Variants in TLE2 observed in about 807,000 individuals in gnomAD.
The protein encoded by TLE2 is TLE family member 2, transcriptional corepressor, also known as transducin-like enhancer protein 2.
In TLE2, 74 loss-of-function variants were observed where a neutral mutation model predicts 97.2. The observed-to-expected ratio is 0.76, with a 90% CI of 0.63 to 0.92. The LOEUF (loss-of-function observed/expected upper bound fraction) is 0.92, where lower values mean the gene tolerates loss of function less well. Among genes scored for constraint, TLE2 ranks in the 40% least tolerant of loss-of-function variants. TLE2 has a pLI of 0.00. For missense variants in TLE2, 1,038 were observed against 1,008.7 expected (o/e 1.03, Z -0.39); for synonymous variants, 499 against 432.1 (o/e 1.15, Z -1.92).
intron 4 of TLE2, chr19:3,025,630 G>A (rs746545251): frequency 2.0e-5 from 20 of 985,606 alleles, no homozygotes; most frequent in African/African-American, 8.7e-5. Flanking sequence ...GAGGGTCTGG[G>A]CCCAGGTGCC....
At position 3,000,668 on chromosome 19, in the gene TLE2, C is replaced by A. The variant is rs374105223; in HGVS notation, c.2103G>T (p.Pro701=). 3.1e-6 allele frequency: 5 copies of A among 1,591,954 alleles called. No individual in the cohort carries two copies. Among genetic ancestry groups the A allele is most frequent in the African/African-American group, 2.7e-5 (2 of 74,386 alleles). ...GTACCTGGAAAATGCTGGCCCCGTACGGCGTCCTCCAGGCGTTGAGCAGGT... is the reference window on the plus strand; with the variant it reads ...GTACCTGGAAAATGCTGGCCCCGTAAGGCGTCCTCCAGGCGTTGAGCAGGT... ...KDNLLNAWRT[P]YGASIFQSKE... Residue 701 remains proline, a synonymous_variant, in exon 19 of 20, where the codon CCG becomes CCT. Coordinates refer to ENST00000262953, the MANE Select transcript of TLE2 (RefSeq NM_003260.5).
chr19:3,011,576 G>A (rs556969006), intron 11 of TLE2, among the ~76,000 whole-genome samples: 7 of 149,988 alleles, frequency 4.7e-5, no homozygotes, highest in Admixed American at 2.0e-4. Flanking sequence ...CAGGCCAGGC[G>A]CAGTGGCTCA....
chr19:3,029,130 G>T lies in TLE2; in HGVS notation c.-226C>A. The T allele has an allele frequency of 9.3e-7, 1 of 1,077,810 alleles. No individual in the cohort carries two copies. Among genetic ancestry groups the T allele is most frequent in the African/African-American group, 1.7e-5 (1 of 59,492 alleles). 66.8% of individuals were successfully genotyped at this position (1,077,810 alleles called of 1,614,324 possible). ...GGGTTGGGGTGCGCGGGGCGAGCGG[G>T]GCGGGCAGGGGCAGCGGCCGGGGCG... On this transcript the variant is annotated 5_prime_UTR_variant, in exon 1 of 20. Coordinates refer to ENST00000262953, the MANE Select transcript of TLE2 (RefSeq NM_003260.5).
chr19:3,018,371 C>G lies in TLE2; in HGVS notation c.551-512G>C, dbSNP rs148366349. Among the ~76,000 whole-genome samples the G allele has an allele frequency of 3.1e-3, 477 of 152,160 alleles. 3 individuals carry two copies. Among genetic ancestry groups the G allele is most frequent in the Middle Eastern group, 0.01 (3 of 294 alleles). On this transcript the variant is annotated intron_variant, in intron 7 of 19. Transcript: ENST00000262953. ...CGCCCAGGCTGGACTTGGCTCACTG[C>G]AACCTCTGCCTCCCAGGTTCAAGCA...
intron 19 of TLE2, among the ~76,000 whole-genome samples, chr19:2,999,744 G>GA (rs1256819076): frequency 1.7e-5 from 2 of 119,182 alleles, no homozygotes; most frequent in African/African-American, 3.3e-5. Context: ...AAAAAAGAAA[G>GA]AAAAACAGCT....
At chr19:3,027,713 G>A (rs1230472509) in intron 4 of TLE2, 116 bp downstream of exon 4, 1 of 1,018,760 alleles carries the variant, frequency 9.8e-7, no homozygotes, top group Non-Finnish European at 1.5e-6. Flanking sequence ...GAGATTTCAG[G>A]ATGAGACCCG....
At chr19:3,029,561 G>GGC (rs1050241432), upstream of TLE2, 21 of 813,032 alleles carry the variant, frequency 2.6e-5, 1 homozygote, top group Admixed American at 7.0e-4. Flanking sequence ...GTGGGAGCGG[G>GGC]GGGGGGGGCT....
intron 9 of TLE2, among the ~76,000 whole-genome samples, chr19:3,015,058 CAA>C (rs34658846): frequency 0.41 from 53,808 of 130,322 alleles, 11,553 homozygotes; most frequent in East Asian, 0.62. Flanking sequence ...AATTCATTGC[CAA>C]AAAAAAAAAA....
chr19:3,022,992 G>A (rs2089874734), intron 5 of TLE2, among the ~76,000 whole-genome samples: 1 of 151,960 alleles, frequency 6.6e-6, no homozygotes, highest in Non-Finnish European at 1.5e-5. Flanking sequence ...CCCTCGAGCT[G>A]CAGTTTGCTA....
At chr19:2,998,592 T>G (rs914515815) in intron 19 of TLE2, among the ~76,000 whole-genome samples, 2 of 152,082 alleles carry the variant, frequency 1.3e-5, no homozygotes, top group Non-Finnish European at 2.9e-5. Context: ...TTTTGTATTT[T>G]TAGTAGAGAC....
chr19:2,999,455 T>C (rs567980375), intron 19 of TLE2, among the ~76,000 whole-genome samples: 5 of 152,054 alleles, frequency 3.3e-5, no homozygotes, highest in South Asian at 2.1e-4. Flanking sequence ...AGGCTGGGTG[T>C]GGTGGCTCAC....
rs756058632 is a variant in TLE2, at chr19:2,997,783, T to A, written c.*65A>T. 2 of 1,233,882 alleles carry A rather than the reference T, an allele frequency of 1.6e-6. No homozygotes were observed. Among genetic ancestry groups the A allele is most frequent in the Non-Finnish European group, 1.2e-6 (1 of 856,432 alleles). The allele number at this position is 1,233,882 out of a possible 1,614,324, so 76.4% of individuals were successfully genotyped here. A position where few individuals can be genotyped will look rare whatever the true frequency, so the allele number is the denominator to read the frequency against. Reference sequence around the variant, plus strand: ...CAGGGCTGGGAGGCGGCTGCTAGGATGTCTGTCCTGGCTGCTGATTCCCCT... The same window carrying A: ...CAGGGCTGGGAGGCGGCTGCTAGGAAGTCTGTCCTGGCTGCTGATTCCCCT... On this transcript the variant is annotated 3_prime_UTR_variant, in exon 20 of 20. Transcript: ENST00000262953.
chr19:3,013,748 CG>C lies in TLE2; in HGVS notation c.793del (p.Arg265ValfsTer27). 1 of 1,560,890 alleles carries C rather than the reference CG, an allele frequency of 6.4e-7. No individual in the cohort carries two copies. On this transcript the variant is annotated frameshift_variant, in exon 11 of 20. Coordinates refer to ENST00000262953, the MANE Select transcript of TLE2 (RefSeq NM_003260.5). LOFTEE classifies it high-confidence loss of function. ...CGKVPICIPA[R>X]RDLVDSPASL... is the part of the protein sequence containing the mutation. ...GGCTGGACTGTCCACCAGGTCCCGACGGGCAGGAATGCAGATGGGTACCTTT... is the reference window on the plus strand; with the variant it reads ...GGCTGGACTGTCCACCAGGTCCCGACGGCAGGAATGCAGATGGGTACCTTT...
At position 3,006,146 on chromosome 19, in the gene TLE2, ACTATAAGCTCCATCCTTTAC is replaced by A. The variant is rs749280042; in HGVS notation, c.1501-198_1501-179del. The A allele has an allele frequency of 1.1e-5, 10 of 950,000 alleles. No homozygotes were observed. The East Asian group carries it at 1.4e-4, about 14-fold the overall frequency. The allele number at this position is 950,000 out of a possible 1,614,324, so 58.8% of individuals were successfully genotyped here. On this transcript the variant is annotated intron_variant, in intron 15 of 19. Coordinates refer to ENST00000262953, the MANE Select transcript of TLE2 (RefSeq NM_003260.5). ...TGACCTGCAAACACTGCCCCATCTG[ACTATAAGCTCCATCCTTTAC>A]CTATAAGCCCCACCCATGGTTGGCC...
chr19:3,008,474 T>C (rs1373888846), intron 14 of TLE2, among the ~76,000 whole-genome samples: 1 of 148,932 alleles, frequency 6.7e-6, no homozygotes, highest in Non-Finnish European at 1.5e-5. Flanking sequence ...TTTTTGAGAC[T>C]GAGTCTCGCT....
intron 10 of TLE2, 121 bp from the exon 11 acceptor site, chr19:3,013,939 G>A (rs1267289704): frequency 3.0e-6 from 3 of 1,014,532 alleles, no homozygotes; most frequent in African/African-American, 1.7e-5. Context: ...CCCACCATGG[G>A]AAGATTATGA....
chr19:3,011,845 T>C (rs2145150130), intron 11 of TLE2, among the ~76,000 whole-genome samples: 1 of 150,536 alleles, frequency 6.6e-6, no homozygotes, highest in Non-Finnish European at 1.5e-5. Flanking sequence ...AGCAAAACTC[T>C]ACAAAAACAA....
chr19:3,006,090 T>C, intron 15 of TLE2, 122 bp from the exon 16 acceptor site: 1 of 1,242,114 alleles, frequency 8.1e-7, no homozygotes, highest in South Asian at 1.2e-5. Flanking sequence ...CTGCAAGCCC[T>C]ACCCTGATTG....
At chr19:3,005,636 A>G in intron 16 of TLE2, 52 bp from the exon 17 acceptor site, 1 of 1,609,982 alleles carries the variant, frequency 6.2e-7, no homozygotes, top group Non-Finnish European at 8.5e-7. Flanking sequence ...CTGCCCCAGC[A>G]TCGTCCCAGG....
Sources: allele counts gnomAD v4.1 joint callset (sites outside exome capture counted in the v4.1 genomes callset), GRCh38; gene constraint gnomAD v4.1.1; transcripts MANE v1.5; gene names NCBI Gene and HGNC (gene_info 2026-07-23, HGNC 2026-07-21).